AKAP19: variants seen among roughly 807,000 people sequenced by gnomAD.
The protein encoded by AKAP19 is small A-kinase anchoring protein.
At chr2:190,155,577 C>A in the AKAP19 span, among the ~76,000 whole-genome samples, 1 of 152,200 alleles carries the variant, frequency 6.6e-6, no homozygotes. Context: ...CAGGAGGAAA[C>A]AAACTTCATC....
chr2:190,062,310 A>G, the AKAP19 span: 2 of 1,613,228 alleles, frequency 1.2e-6, no homozygotes, highest in East Asian at 2.2e-5. Flanking sequence ...ATCCCTCTGG[A>G]CATCATACTG....
At chr2:189,982,222 TTATTTTA>T in the AKAP19 span, among the ~76,000 whole-genome samples, 2 of 129,832 alleles carry the variant, frequency 1.5e-5, no homozygotes, top group African/African-American at 8.6e-5. Context: ...TATTTTTCCT[TTATTTTA>T]GTGTGGGTTA....
chr2:190,085,393 C>T, the AKAP19 span, among the ~76,000 whole-genome samples: 5 of 152,156 alleles, frequency 3.3e-5, no homozygotes, highest in African/African-American at 1.2e-4. Flanking sequence ...TTTTTAACAC[C>T]GCTTCTGTGA....
chr2:190,199,933 G>A, the AKAP19 span: 7 of 1,614,000 alleles, frequency 4.3e-6, no homozygotes, highest in Admixed American at 6.7e-5. Flanking sequence ...GCATGAGAGT[G>A]AAGAACCCTT....
the AKAP19 span, among the ~76,000 whole-genome samples, chr2:190,102,674 A>G: frequency 6.6e-6 from 1 of 152,116 alleles, no homozygotes; most frequent in African/African-American, 2.4e-5. Flanking sequence ...ACTGAGTTTC[A>G]TAGTTGAATC....
the AKAP19 span, among the ~76,000 whole-genome samples, chr2:190,024,515 A>G: frequency 6.6e-6 from 1 of 152,064 alleles, no homozygotes; most frequent in Non-Finnish European, 1.5e-5. Context: ...CACAAATCCT[A>G]TACAATGCTA....
the AKAP19 span, among the ~76,000 whole-genome samples, chr2:190,166,861 C>T: frequency 6.6e-6 from 1 of 151,658 alleles, no homozygotes; most frequent in African/African-American, 2.4e-5. Context: ...GCCATTGCTA[C>T]TGCTATTCAA....
the AKAP19 span, among the ~76,000 whole-genome samples, chr2:190,000,827 G>T: frequency 6.6e-6 from 1 of 152,096 alleles, no homozygotes; most frequent in African/African-American, 2.4e-5. Flanking sequence ...ATTATAATAT[G>T]TAGATTAATG....
the AKAP19 span, among the ~76,000 whole-genome samples, chr2:190,061,004 AAATTTTGATGTT>A: frequency 1.3e-5 from 2 of 152,018 alleles, no homozygotes; most frequent in Non-Finnish European, 2.9e-5. Context: ...ATTAACACAA[AAATTTTGATGTT>A]ATATTCAGGC....
chr2:190,192,490 GTATCTA>G, the AKAP19 span, among the ~76,000 whole-genome samples: 1 of 144,302 alleles, frequency 6.9e-6, no homozygotes, highest in African/African-American at 2.6e-5. Context: ...GTGTGTGTGT[GTATCTA>G]TATATCTATA....
At chr2:189,974,490 G>T in the AKAP19 span, among the ~76,000 whole-genome samples, 2 of 152,136 alleles carry the variant, frequency 1.3e-5, no homozygotes, top group African/African-American at 4.8e-5. Context: ...AGCAGTCTAT[G>T]AGGTCTGCTT....
the AKAP19 span, among the ~76,000 whole-genome samples, chr2:190,179,149 T>C: frequency 6.6e-6 from 1 of 152,240 alleles, no homozygotes. The surrounding 1 kb of genome is among the most constrained non-coding windows in gnomAD (Gnocchi z 6.0). Context: ...GGCTCACACC[T>C]GTAATCCCAG....
chr2:189,914,026 T>C, the AKAP19 span, among the ~76,000 whole-genome samples: 1 of 152,194 alleles, frequency 6.6e-6, no homozygotes, highest in Non-Finnish European at 1.5e-5. Context: ...TTACACCTGT[T>C]AGTGTGTTTC....
chr2:189,921,797 A>G, the AKAP19 span, among the ~76,000 whole-genome samples: 1 of 152,184 alleles, frequency 6.6e-6, no homozygotes, highest in Admixed American at 6.5e-5. Flanking sequence ...GTGTGCAGAC[A>G]TATCACCTTC....
the AKAP19 span, among the ~76,000 whole-genome samples, chr2:189,997,608 C>T: frequency 1.3e-5 from 2 of 152,150 alleles, no homozygotes; most frequent in African/African-American, 2.4e-5. Context: ...GCTGGTCTCG[C>T]TCCCACCATG....
At chr2:190,193,967 A>C in the AKAP19 span, among the ~76,000 whole-genome samples, 3 of 152,148 alleles carry the variant, frequency 2.0e-5, no homozygotes, top group Non-Finnish European at 4.4e-5. Flanking sequence ...TGCATTTCAA[A>C]ATTTTGATGT....
At chr2:189,926,214 C>T in the AKAP19 span, among the ~76,000 whole-genome samples, 4 of 152,362 alleles carry the variant, frequency 2.6e-5, no homozygotes, top group Admixed American at 2.6e-4. Flanking sequence ...TTCCATTTCA[C>T]TCTGTGGAAA....
chr2:190,031,444 A>G, the AKAP19 span, among the ~76,000 whole-genome samples: 1 of 152,250 alleles, frequency 6.6e-6, no homozygotes, highest in Non-Finnish European at 1.5e-5. Flanking sequence ...TTGTAAAGCA[A>G]TAATGAAAAC....
At chr2:190,200,123 C>T in the AKAP19 span, 2 of 1,613,914 alleles carry the variant, frequency 1.2e-6, no homozygotes, top group South Asian at 2.2e-5. Context: ...CATGACATTC[C>T]ATACATTGAG....
Sources: allele counts gnomAD v4.1 joint callset (sites outside exome capture counted in the v4.1 genomes callset), GRCh38; gene constraint gnomAD v4.1.1; non-coding constraint Gnocchi (gnomAD v3.1); transcripts MANE v1.5; gene names NCBI Gene and HGNC (gene_info 2026-07-23, HGNC 2026-07-21).